The following PATJ variants were observed in gnomAD, a reference collection of about 807,000 sequenced individuals.
PATJ encodes the protein inaD-like protein.
In PATJ, 190 loss-of-function variants were observed where a neutral mutation model predicts 224.9. The ratio of observed to expected loss-of-function variants is 0.84; its 90% CI spans 0.75 to 0.95. The LOEUF is 0.95. PATJ is among the 40% of genes least tolerant of loss of function. The pLI is 0.00. For missense variants in PATJ, 2,121 were observed against 2,270.3 expected (o/e 0.93, Z 1.34); for synonymous variants, 769 against 820.3 (o/e 0.94, Z 1.07).
rs552165666 is a variant in PATJ at position 62,161,027 on chromosome 1, G to T, written c.5622G>T (p.Gly1874=). 1.3e-6 allele frequency: 2 copies of T among 1,592,812 alleles called. No homozygotes were observed. Among genetic ancestry groups the T allele is most frequent in the African/African-American group, 1.3e-5 (1 of 74,476 alleles). Residue 1874 remains glycine (G), a synonymous_variant, in exon 44 of 44, where the codon GGG becomes GGT. Transcript: ENST00000642238. Reference sequence around the variant, plus strand: ...TCGCCATTCTAAAACACCAGAGAGGGACTGTAACCTTAACTGTGCTGTCAT... The same window carrying T: ...TCGCCATTCTAAAACACCAGAGAGGTACTGTAACCTTAACTGTGCTGTCAT... The part of the protein sequence containing the change: ...QAVAILKHQR[G]TVTLTVLS
intron 31 of PATJ, 112 bp from the exon 32 acceptor site, chr1:62,079,338 A>G (rs1470975470): frequency 3.0e-5 from 20 of 668,828 alleles, no homozygotes; most frequent in South Asian, 2.7e-4. Flanking sequence ...TATATTCTCA[A>G]AAGACATCAT....
chr1:61,825,070 C>T (rs1658001030), intron 15 of PATJ, among the ~76,000 whole-genome samples: 1 of 152,198 alleles, frequency 6.6e-6, no homozygotes. Context: ...TGGCATGTCA[C>T]TTGACTTTGT....
chr1:61,941,321 AGTT>A (rs1412766428), intron 27 of PATJ, among the ~76,000 whole-genome samples: 1 of 152,212 alleles, frequency 6.6e-6, no homozygotes, highest in Non-Finnish European at 1.5e-5. Context: ...TTTTATGAAC[AGTT>A]GTTGACTCAC....
intron 26 of PATJ, 97 bp downstream of exon 26, chr1:61,914,761 G>A (rs1047643529): frequency 6.2e-6 from 4 of 648,046 alleles, no homozygotes; most frequent in African/African-American, 3.7e-5. Flanking sequence ...TTTTTGATGA[G>A]TGTCAGTGTT....
intron 30 of PATJ, among the ~76,000 whole-genome samples, chr1:62,045,162 AG>A (rs1652292090): frequency 6.6e-6 from 1 of 152,154 alleles, no homozygotes; most frequent in African/African-American, 2.4e-5. Flanking sequence ...CGGAGGTTGC[AG>A]TGAGCTGAGA....
Position 61,766,492 on chromosome 1 carries a change from A to G in PATJ, c.384+19A>G. On this transcript the variant is annotated intron_variant, in intron 4 of 43. Coordinates refer to ENST00000642238, the MANE Select transcript of PATJ (RefSeq NM_001350145.3). Reference sequence around the variant, plus strand: ...GGCTCAGGTAAAGTTGTATCTTCTCATGGAAATATTTAGCTTCATTTCTCC... The same window carrying G: ...GGCTCAGGTAAAGTTGTATCTTCTCGTGGAAATATTTAGCTTCATTTCTCC... 6.5e-7 allele frequency: 1 copy of G among 1,534,586 alleles called. No homozygotes were observed. The highest frequency in any genetic ancestry group is 8.8e-7 in the Non-Finnish European group (1 of 1,132,346).
In PATJ at chr1:61,886,819, C is replaced by CAAAAAAAAAAAAA. The variant is rs35950461; in HGVS notation, c.3131+2423_3131+2424insAAAAAAAAAAAAA. On this transcript the variant is annotated intron_variant, in intron 22 of 43. Transcript: ENST00000642238. ...TGGGCAACAGAGCAAGACCCCATCT[C>CAAAAAAAAAAAAA]AAAAAAAAAAAATTAGCCTGTTGTG... 2.9e-3 allele frequency among the ~76,000 whole-genome samples: 257 copies of CAAAAAAAAAAAAA among 87,414 alleles called. 79 individuals carry two copies. Among genetic ancestry groups the CAAAAAAAAAAAAA allele is most frequent in the Middle Eastern group, 0.01 (2 of 194 alleles). 57.3% of individuals were successfully genotyped at this position (87,414 alleles called of 152,430 possible). A position where few individuals can be genotyped will look rare whatever the true frequency, so the allele number is the denominator to read the frequency against.
chr1:62,017,328 T>C (rs1001667820), intron 28 of PATJ, among the ~76,000 whole-genome samples: 17 of 149,488 alleles, frequency 1.1e-4, no homozygotes, highest in Non-Finnish European at 1.5e-5. Flanking sequence ...GCAGGAGAAT[T>C]GCTTGAACCT....
intron 27 of PATJ, among the ~76,000 whole-genome samples, chr1:61,939,733 G>T (rs988938879): frequency 8.0e-6 from 1 of 125,174 alleles, no homozygotes; most frequent in African/African-American, 3.1e-5. Flanking sequence ...GGACTGCAGT[G>T]GTGTGATCTC....
At chr1:62,137,872 C>T (rs6680526) in intron 41 of PATJ, among the ~76,000 whole-genome samples, 56,173 of 151,738 alleles carry the variant, frequency 0.37, 12,414 homozygotes, top group East Asian at 0.72. Flanking sequence ...GGGGGATCTC[C>T]TCCTTCTCTT....
At chr1:61,837,518 G>C (rs901108421) in intron 17 of PATJ, among the ~76,000 whole-genome samples, 6 of 152,178 alleles carry the variant, frequency 3.9e-5, no homozygotes, top group Non-Finnish European at 8.8e-5. Flanking sequence ...ACCAGGCGCA[G>C]TGGCTCACAC....
chr1:61,748,107 C>T (rs894847641), intron 1 of PATJ, among the ~76,000 whole-genome samples: 9 of 151,932 alleles, frequency 5.9e-5, no homozygotes, highest in Admixed American at 5.9e-4. Flanking sequence ...TCTCTAACTT[C>T]TGACCTCGTG....
intron 41 of PATJ, among the ~76,000 whole-genome samples, chr1:62,131,476 C>G (rs999551765): frequency 6.6e-6 from 1 of 152,114 alleles, no homozygotes; most frequent in Admixed American, 6.6e-5. Context: ...CTGTCTTCCT[C>G]ACAAATAAAT....
At chr1:62,045,815 T>C (rs975773866) in intron 30 of PATJ, among the ~76,000 whole-genome samples, 4 of 152,312 alleles carry the variant, frequency 2.6e-5, no homozygotes, top group Admixed American at 2.6e-4. Context: ...CCCTTTCCCA[T>C]ATCAGACTCT....
intron 27 of PATJ, among the ~76,000 whole-genome samples, chr1:61,959,430 T>A (rs796340270): frequency 0.51 from 54,240 of 107,254 alleles, 11,893 homozygotes; most frequent in East Asian, 0.78. Flanking sequence ...AATATATTTT[T>A]TTTCTTTTCT....
At chr1:62,006,566 G>A (rs114395929) in intron 28 of PATJ, among the ~76,000 whole-genome samples, 41 of 152,308 alleles carry the variant, frequency 2.7e-4, no homozygotes, top group African/African-American at 9.4e-4. Context: ...TATAACAAAA[G>A]GATTTGAATT....
rs757944624 is a variant in PATJ, at chr1:61,990,216, T to C, written c.3719T>C (p.Ile1240Thr). Residue 1240 changes from isoleucine to threonine, a missense_variant, in exon 28 of 44, where the codon ATT becomes ACT. By Grantham distance (89) the Ile-to-Thr change is moderately conservative (BLOSUM62 -1). Transcript: ENST00000642238. The stretch of plus-strand genomic sequence containing the variant: ...GATCTGCCTGGAGAACTGCACATTA[T>C]TGAACTTGAAAAAGATAAGAATGGA... ...YADLPGELHI[I>T]ELEKDKNGLG... 4 of 1,613,612 alleles carry C rather than the reference T, an allele frequency of 2.5e-6. No individual in the cohort carries two copies. The highest frequency in any genetic ancestry group is 2.5e-6 in the Non-Finnish European group (3 of 1,179,838).
chr1:61,788,532 T>G (rs1649083347), intron 8 of PATJ, among the ~76,000 whole-genome samples: 1 of 152,068 alleles, frequency 6.6e-6, no homozygotes, highest in African/African-American at 2.4e-5. Context: ...TTATAGGGAG[T>G]AAGTTGCAAA....
At position 61,830,033 on chromosome 1, in the gene PATJ, G is replaced by A. The variant is rs111574706; in HGVS notation, c.1980+2450G>A. Among the ~76,000 whole-genome samples the A allele has an allele frequency of 3.7e-3, 556 of 152,254 alleles. 6 individuals are homozygous for A. The highest frequency in any genetic ancestry group is 0.013 in the African/African-American group (531 of 41,538). ...TCCCATGTTAGGTTCAATCCACTGT[G>A]GATCGGTTATTGACCACCCGTGTCT... On this transcript the variant is annotated intron_variant, in intron 16 of 43. Transcript: ENST00000642238.
Sources: gnomAD v4.1 joint callset for allele counts (sites outside exome capture counted in the v4.1 genomes callset) on GRCh38, gnomAD v4.1.1 for gene constraint, MANE v1.5 for transcripts, NCBI Gene and HGNC (gene_info 2026-07-23, HGNC 2026-07-21) for gene names.